PSMA5: variants seen among roughly 807,000 people sequenced by gnomAD.
PSMA5 encodes the protein proteasome subunit alpha type-5.
PSMA5 carries 3 observed loss-of-function variants against 34.5 expected under a neutral mutation model. The ratio of observed to expected loss-of-function variants is 0.09; its 90% CI spans 0.04 to 0.22. PSMA5 has a LOEUF of 0.22. Ranked by LOEUF, PSMA5 falls within the 10% of genes least tolerant of loss-of-function variation. PSMA5 has a pLI of 1.00. For synonymous variants in PSMA5, 88 were observed against 95.8 expected (o/e 0.92, Z 0.47); for missense variants, 120 against 286.1 (o/e 0.42, Z 4.19).
chr1:109,411,157 G>A (rs1199307521), intron 6 of PSMA5, 44 bp from the exon 7 acceptor site: 1 of 1,388,394 alleles, frequency 7.2e-7, no homozygotes, highest in Non-Finnish European at 1.0e-6. Context: ...CAGGAGTGGT[G>A]GCACTTTATG....
intron 2 of PSMA5, among the ~76,000 whole-genome samples, chr1:109,421,351 G>C (rs1654435735): frequency 6.6e-6 from 1 of 151,624 alleles, no homozygotes; most frequent in Non-Finnish European, 1.5e-5. Context: ...CAGCCTGGTG[G>C]TACTGGGAGG....
intron 8 of PSMA5, among the ~76,000 whole-genome samples, chr1:109,406,525 C>T (rs1189642255): frequency 1.3e-5 from 2 of 151,932 alleles, no homozygotes; most frequent in East Asian, 3.9e-4. Flanking sequence ...CAGCAAGACC[C>T]CATCTCTAAA....
rs566109666 is a variant in PSMA5, at chr1:109,408,783, C to T, written c.648+1145G>A. ...TCGGCTCACTGTAACCTCCACCTCC[C>T]GGGTTCAAGTGATTCTCATGCCTCA... On this transcript the variant is annotated intron_variant, in intron 8 of 8. Coordinates refer to ENST00000271308, the MANE Select transcript of PSMA5 (RefSeq NM_002790.4). Among the ~76,000 whole-genome samples, 12 of 151,952 alleles carry T rather than the reference C, an allele frequency of 7.9e-5. No individual in the cohort carries two copies. In the East Asian group the frequency reaches 2.1e-3, roughly 27 times the overall value.
chr1:109,417,805 T>G (rs544315611), intron 2 of PSMA5, among the ~76,000 whole-genome samples: 13 of 152,312 alleles, frequency 8.5e-5, no homozygotes, highest in African/African-American at 3.1e-4. Context: ...AGGAATACAT[T>G]TGATTTCATA....
intron 2 of PSMA5, among the ~76,000 whole-genome samples, chr1:109,418,924 G>A (rs1654323598): frequency 6.6e-6 from 1 of 152,160 alleles, no homozygotes; most frequent in Non-Finnish European, 1.5e-5. Flanking sequence ...GGAGGGTGAG[G>A]CGGGCAGATC....
intron 7 of PSMA5, 138 bp downstream of exon 7, chr1:109,410,873 C>T: frequency 1.6e-6 from 1 of 642,078 alleles, no homozygotes; most frequent in South Asian, 1.9e-5. Flanking sequence ...GAGCATTTTT[C>T]TGGTGGTGAT....
intron 2 of PSMA5, among the ~76,000 whole-genome samples, chr1:109,418,929 C>G (rs910449390): frequency 6.6e-6 from 1 of 152,130 alleles, no homozygotes; most frequent in Non-Finnish European, 1.5e-5. Context: ...GTGAGGCGGG[C>G]AGATCACCTG....
rs1272821861 is a variant in PSMA5 at position 109,416,942 on chromosome 1, A to G, written c.97-1579T>C. ...CAACATGGTGAAACCCTGTTTCTAT[A>G]AAAAATACAATAATTAGCCAGGCTT... On this transcript the variant is annotated intron_variant, in intron 2 of 8. Transcript: ENST00000271308. Among the ~76,000 whole-genome samples the G allele has an allele frequency of 7.2e-5, 11 of 152,120 alleles. No individual in the cohort carries two copies. In the East Asian group the frequency reaches 2.1e-3, roughly 29 times the overall value.
chr1:109,402,055 C>T lies in PSMA5; in HGVS notation c.684G>A (p.Met228Ile), dbSNP rs2100949220. 1 of 1,612,886 alleles carries T rather than the reference C, an allele frequency of 6.2e-7. No homozygotes were observed. The highest frequency in any genetic ancestry group is 8.5e-7 in the Non-Finnish European group (1 of 1,179,464). Residue 228 changes from methionine (M) to isoleucine (I), a missense_variant, in exon 9 of 9, where the codon ATG (methionine) becomes ATA (isoleucine). Met to Ile is a conservative substitution (Grantham distance 10). This residue lies in a region of PSMA5 where 83 missense variants were observed against 203.2 expected (regional missense o/e 0.41). Transcript: ENST00000271308. ...CCTCTTCAAGTTCTTCCTTTGTGAA[C>T]ATGTGGAAATTCTGGCCAGGCTGCA... The part of the protein sequence containing the change: ...ATVQPGQNFH[M>I]FTKEELEEVI...
At chr1:109,424,966 A>T (rs1396265272) in intron 1 of PSMA5, among the ~76,000 whole-genome samples, 1 of 140,196 alleles carries the variant, frequency 7.1e-6, no homozygotes, top group African/African-American at 3.3e-5. Flanking sequence ...CAGCCTGGCG[A>T]CAGAGCGAGA....
rs1227226212 is a variant in PSMA5, at chr1:109,399,887, G to A, written c.*2126C>T. 6.6e-6 allele frequency: 1 copy of A among 152,094 alleles called. No homozygotes were observed. The highest frequency in any genetic ancestry group is 1.5e-5 in the Non-Finnish European group (1 of 68,018). 9.4% of individuals were successfully genotyped at this position (152,094 alleles called of 1,614,324 possible). A position where few individuals can be genotyped will look rare whatever the true frequency, so the allele number is the denominator to read the frequency against. ...CTGGACATAAGATTTCACCTTATTTGCAGGACTAAAGTAAATTTATCTTAT... is the reference window on the plus strand; with the variant it reads ...CTGGACATAAGATTTCACCTTATTTACAGGACTAAAGTAAATTTATCTTAT... On this transcript the variant is annotated 3_prime_UTR_variant, in exon 9 of 9. Transcript: ENST00000271308.
At chr1:109,402,894 G>A (rs1292127758) in intron 8 of PSMA5, among the ~76,000 whole-genome samples, 1 of 151,984 alleles carries the variant, frequency 6.6e-6, no homozygotes, top group East Asian at 1.9e-4. Flanking sequence ...TAGTAGAGAC[G>A]GCGATTCTCC....
In PSMA5 at chr1:109,401,667, G is replaced by T; in HGVS notation, c.*346C>A. The T allele has an allele frequency of 6.0e-6, 1 of 167,670 alleles. No homozygotes were observed. 10.4% of individuals were successfully genotyped at this position (167,670 alleles called of 1,614,324 possible). A position where few individuals can be genotyped will look rare whatever the true frequency, so the allele number is the denominator to read the frequency against. ...ACTAACATTTGCATTTCAAACAAAA[G>T]ACTGTATTACAATGGCTGGGCACAG... On this transcript the variant is annotated 3_prime_UTR_variant, in exon 9 of 9. Transcript: ENST00000271308.
At chr1:109,407,707 T>C (rs1653834531) in intron 8 of PSMA5, among the ~76,000 whole-genome samples, 1 of 152,072 alleles carries the variant, frequency 6.6e-6, no homozygotes, top group Non-Finnish European at 1.5e-5. Flanking sequence ...TGGAGTGCAA[T>C]CTCAGCTCAC....
Position 109,410,029 on chromosome 1 carries a change from G to A in PSMA5, c.562-15C>T, listed in dbSNP as rs1440674885. 6.5e-7 allele frequency: 1 copy of A among 1,533,298 alleles called. No individual in the cohort carries two copies. The highest frequency in any genetic ancestry group is 9.0e-7 in the Non-Finnish European group (1 of 1,114,922). 95.0% of individuals were successfully genotyped at this position (1,533,298 alleles called of 1,614,324 possible). A position where few individuals can be genotyped will look rare whatever the true frequency, so the allele number is the denominator to read the frequency against. On this transcript the variant is annotated splice_polypyrimidine_tract_variant and intron_variant, in intron 7 of 8. Coordinates refer to ENST00000271308, the MANE Select transcript of PSMA5 (RefSeq NM_002790.4). ...AAAGTCATAGACTTGAAACAAAGAA[G>A]GCAAGAAGATGCCTATTAATTATGC...
Position 109,416,075 on chromosome 1 carries a change from G to A in PSMA5, c.97-712C>T, listed in dbSNP as rs115858205. ...TGAGGATGACAATAATAATAAGAAG[G>A]GTAAACACATTATATATTATAAAAT... On this transcript the variant is annotated intron_variant, in intron 2 of 8. Coordinates refer to ENST00000271308, the MANE Select transcript of PSMA5 (RefSeq NM_002790.4). Among the ~76,000 whole-genome samples, 1,432 of 151,980 alleles carry A rather than the reference G, an allele frequency of 9.4e-3. 10 individuals are homozygous for A. The highest frequency in any genetic ancestry group is 0.018 in the South Asian group (88 of 4,808).
intron 3 of PSMA5, among the ~76,000 whole-genome samples, chr1:109,413,541 C>T (rs1654082301): frequency 6.6e-6 from 1 of 152,166 alleles, no homozygotes; most frequent in African/African-American, 2.4e-5. Context: ...GGAGGACTCT[C>T]GAATAAATCA....
At chr1:109,426,025 T>A in intron 1 of PSMA5, 1 of 564,036 alleles carries the variant, frequency 1.8e-6, no homozygotes, top group Non-Finnish European at 3.2e-6. Flanking sequence ...AGGTAGGAGT[T>A]CCGGCTCCTC....
In PSMA5 at chr1:109,401,165, T is replaced by C. The variant is rs937400330; in HGVS notation, c.*848A>G. On this transcript the variant is annotated 3_prime_UTR_variant, in exon 9 of 9. Coordinates refer to ENST00000271308, the MANE Select transcript of PSMA5 (RefSeq NM_002790.4). ...AAAGTTCATCATTCATTCCAAAGTC[T>C]AATGTAAACTGCTTCTGAATTTTAC... 1 of 152,242 alleles carries C rather than the reference T, an allele frequency of 6.6e-6. No homozygotes were observed. Among genetic ancestry groups the C allele is most frequent in the Non-Finnish European group, 1.5e-5 (1 of 68,028 alleles). 9.4% of individuals were successfully genotyped at this position (152,242 alleles called of 1,614,324 possible). A position where few individuals can be genotyped will look rare whatever the true frequency, so the allele number is the denominator to read the frequency against.
Sources: allele counts gnomAD v4.1 joint callset (sites outside exome capture counted in the v4.1 genomes callset), GRCh38; gene constraint gnomAD v4.1.1; regional missense constraint gnomAD v4.1.1; transcripts MANE v1.5; gene names NCBI Gene and HGNC (gene_info 2026-07-23, HGNC 2026-07-21).